The following ST7 variants were observed in gnomAD, a reference collection of about 807,000 sequenced individuals.
ST7 encodes the protein suppressor of tumorigenicity 7 protein.
ST7 carries 28 observed loss-of-function variants against 78.7 expected under a neutral mutation model. The ratio of observed to expected loss-of-function variants is 0.36; its 90% CI spans 0.26 to 0.49. The LOEUF (loss-of-function observed/expected upper bound fraction) is 0.49. Among genes scored for constraint, ST7 ranks in the 20% least tolerant of loss-of-function variants. The pLI, the probability that ST7 is intolerant of heterozygous loss-of-function variation, is 0.99. For missense variants in ST7, 418 were observed against 696.0 expected (o/e 0.60, Z 4.49); for synonymous variants, 247 against 249.6 (o/e 0.99, Z 0.10).
At chr7:117,021,177 T>G (rs1795892761) in intron 1 of ST7, among the ~76,000 whole-genome samples, 1 of 152,208 alleles carries the variant, frequency 6.6e-6, no homozygotes, top group African/African-American at 2.4e-5. Flanking sequence ...TTTGATATGC[T>G]GGCTAGCATC....
chr7:116,977,343 G>C (rs1793750927), intron 1 of ST7, among the ~76,000 whole-genome samples: 1 of 152,138 alleles, frequency 6.6e-6, no homozygotes, highest in Non-Finnish European at 1.5e-5. Flanking sequence ...TCAATAAATG[G>C]ATTTCTGGTA....
chr7:116,972,747 C>G (rs1019385340), intron 1 of ST7: 18 of 923,678 alleles, frequency 1.9e-5, no homozygotes, highest in Non-Finnish European at 3.2e-5. Context: ...CCAGCTGGAT[C>G]CTACGGTTCA....
At chr7:117,183,100 TTTTG>T (rs370293819) in intron 10 of ST7, among the ~76,000 whole-genome samples, 402 of 152,022 alleles carry the variant, frequency 2.6e-3, no homozygotes, top group African/African-American at 7.0e-3. Context: ...TTTTAGGTTT[TTTTG>T]TTTGTTTGTT....
chr7:117,208,872 G>A (rs1792019197), intron 12 of ST7, among the ~76,000 whole-genome samples: 1 of 149,024 alleles, frequency 6.7e-6, no homozygotes, highest in South Asian at 2.2e-4. Context: ...GTTTGTCTTT[G>A]GTGGTGGTGG....
chr7:117,076,967 A>G (rs1799391790), intron 1 of ST7, among the ~76,000 whole-genome samples: 1 of 152,120 alleles, frequency 6.6e-6, no homozygotes, highest in South Asian at 2.1e-4. Context: ...ACACAAACGA[A>G]TTGGATGGTA....
intron 1 of ST7, chr7:117,076,584 G>A (rs1197321255): frequency 6.6e-6 from 1 of 152,456 alleles, no homozygotes. Context: ...CTGGCCACTT[G>A]GGCACTGGCA....
intron 12 of ST7, among the ~76,000 whole-genome samples, chr7:117,208,449 C>T (rs1477588903): frequency 6.6e-6 from 1 of 152,124 alleles, no homozygotes; most frequent in East Asian, 1.9e-4. Flanking sequence ...TGCTTTGAGG[C>T]CAGAAGCTTG....
At position 116,972,874 on chromosome 7, in the gene ST7, T is replaced by C. The variant is rs1048372904; in HGVS notation, c.151+19183T>C. On this transcript the variant is annotated intron_variant, in intron 1 of 15. Coordinates refer to ENST00000323984, the MANE Select transcript of ST7 (RefSeq NM_001369598.1). ...TGCCTGCTGCTGCAGAACCTGGATA[T>C]TGCCCTTAACCGCCTCGATGGTGGT... 7 of 1,294,804 alleles carry C rather than the reference T, an allele frequency of 5.4e-6. No individual in the cohort carries two copies. In the African/African-American group the frequency reaches 1.0e-4, roughly 19 times the overall value. The allele number at this position is 1,294,804 out of a possible 1,614,324, so 80.2% of individuals were successfully genotyped here. A position where few individuals can be genotyped will look rare whatever the true frequency, so the allele number is the denominator to read the frequency against.
chr7:117,020,653 C>G, intron 1 of ST7: 1 of 1,550,816 alleles, frequency 6.4e-7, no homozygotes, highest in Non-Finnish European at 8.7e-7. Flanking sequence ...TCCCACTTCT[C>G]TGCTATTTAG....
intron 1 of ST7, chr7:116,972,262 A>G (rs1382696066): frequency 1.5e-5 from 8 of 549,476 alleles, no homozygotes; most frequent in South Asian, 6.4e-5. Context: ...CAGGTCTTCA[A>G]TTGTATTTTC....
intron 1 of ST7, among the ~76,000 whole-genome samples, chr7:117,040,638 T>A (rs1797164932): frequency 6.6e-6 from 1 of 152,232 alleles, no homozygotes; most frequent in African/African-American, 2.4e-5. Flanking sequence ...TTTTAAGGAT[T>A]CATCTAGTGA....
chr7:117,063,247 G>A (rs1798447289), intron 1 of ST7, among the ~76,000 whole-genome samples: 1 of 152,074 alleles, frequency 6.6e-6, no homozygotes, highest in Non-Finnish European at 1.5e-5. Flanking sequence ...TAAATAATAT[G>A]ACTGATGATT....
At chr7:117,034,128 G>A (rs181518767) in intron 1 of ST7, among the ~76,000 whole-genome samples, 5 of 151,600 alleles carry the variant, frequency 3.3e-5, no homozygotes, top group African/African-American at 4.9e-5. Context: ...TTTTGTAGAG[G>A]CAGTCTTGCT....
intron 1 of ST7, chr7:116,967,515 C>T: frequency 2.5e-6 from 1 of 403,518 alleles, no homozygotes; most frequent in South Asian, 1.8e-5. Flanking sequence ...GACCTTTCTG[C>T]TAATTGTGTC....
chr7:117,116,480 C>T (rs974485971), intron 2 of ST7, among the ~76,000 whole-genome samples: 2 of 152,028 alleles, frequency 1.3e-5, no homozygotes, highest in Non-Finnish European at 2.9e-5. Flanking sequence ...AGGTGCTCGC[C>T]CAAAGCCTGA....
At chr7:117,157,048 A>G (rs1806752086) in intron 9 of ST7, among the ~76,000 whole-genome samples, 1 of 152,172 alleles carries the variant, frequency 6.6e-6, no homozygotes, top group Non-Finnish European at 1.5e-5. Context: ...TGTGGAGGGT[A>G]AGGCTTAAGG....
intron 1 of ST7, among the ~76,000 whole-genome samples, chr7:116,981,125 T>A (rs1478486481): frequency 3.3e-5 from 5 of 152,082 alleles, no homozygotes; most frequent in African/African-American, 9.7e-5. Context: ...TTTTTTTTTT[T>A]AAATAGACAA....
intron 2 of ST7, among the ~76,000 whole-genome samples, chr7:117,106,134 G>T (rs997977955): frequency 7.9e-5 from 12 of 152,094 alleles, no homozygotes; most frequent in Non-Finnish European, 1.5e-5. Context: ...GAGTAGCTGG[G>T]ACTACAGGCG....
intron 1 of ST7, among the ~76,000 whole-genome samples, chr7:117,013,239 A>G (rs1245040144): frequency 6.6e-6 from 1 of 152,240 alleles, no homozygotes. Context: ...TTACTATTTT[A>G]AAACAATCAT....
Sources: gnomAD v4.1 joint callset for allele counts (sites outside exome capture counted in the v4.1 genomes callset) on GRCh38, gnomAD v4.1.1 for gene constraint, MANE v1.5 for transcripts, NCBI Gene and HGNC (gene_info 2026-07-23, HGNC 2026-07-21) for gene names.